SMARCE1: variants seen among roughly 807,000 people sequenced by gnomAD.
The protein encoded by SMARCE1 is SWI/SNF-related matrix-associated actin-dependent regulator of chromatin subfamily E member 1.
SMARCE1 carries 13 observed loss-of-function variants against 54.9 expected under a neutral mutation model. The observed-to-expected ratio is 0.24, with a 90% CI of 0.15 to 0.38. The LOEUF is 0.38. SMARCE1 is among the 10% of genes least tolerant of loss of function. The pLI, the probability that SMARCE1 is intolerant of heterozygous loss-of-function variation, is 1.00. For synonymous variants in SMARCE1, 151 were observed against 175.3 expected (o/e 0.86, Z 1.10); for missense variants, 295 against 523.8 (o/e 0.56, Z 4.26).
intron 7 of SMARCE1, chr17:40,632,622 A>C (rs1403913723): frequency 5.0e-6 from 2 of 401,170 alleles, no homozygotes; most frequent in African/African-American, 2.1e-5. Flanking sequence ...ATTTGGCTAA[A>C]ACATAAACGA....
intron 1 of SMARCE1, among the ~76,000 whole-genome samples, chr17:40,647,036 C>T (rs2037264797): frequency 6.6e-6 from 1 of 152,164 alleles, no homozygotes; most frequent in African/African-American, 2.4e-5. Flanking sequence ...AACATAAGCT[C>T]CCTGTACGTT....
In SMARCE1 at chr17:40,630,785, A is replaced by G. The variant is rs758831830; in HGVS notation, c.956T>C (p.Val319Ala). 1.2e-6 allele frequency: 2 copies of G among 1,613,916 alleles called. No homozygotes were observed. Among genetic ancestry groups the G allele is most frequent in the East Asian group, 2.2e-5 (1 of 44,888 alleles). Residue 319 changes from valine (V) to alanine (A), a missense_variant, in exon 10 of 11, where the codon GTT (valine) becomes GCT (alanine). By Grantham distance (64) the Val-to-Ala change is moderately conservative. Transcript: ENST00000348513. ...GTTAGCTGCTTGTTCTTCCTCAGGA[A>G]CGATGCTGCTCTGACTGCGCTCAGC... ...EQAERSQSSI[V>A]PEEEQAANKG...
At chr17:40,635,822 A>G in intron 7 of SMARCE1, 109 bp downstream of exon 7, 1 of 801,738 alleles carries the variant, frequency 1.2e-6, no homozygotes, top group Non-Finnish European at 1.9e-6. Flanking sequence ...TACTTAAATT[A>G]TACTTTCTTT....
At chr17:40,643,210 G>A (rs901941755) in intron 3 of SMARCE1, 1 of 152,282 alleles carries the variant, frequency 6.6e-6, no homozygotes, top group East Asian at 1.9e-4. Flanking sequence ...GAAATGCATG[G>A]ATTTCATTCT....
Position 40,630,739 on chromosome 17 carries a change from G to A in SMARCE1, c.1002C>T (p.Asp334=), listed in dbSNP as rs750483952. 24 of 1,613,918 alleles carry A rather than the reference G, an allele frequency of 1.5e-5. No individual in the cohort carries two copies. In the South Asian group the frequency reaches 2.3e-4, roughly 16 times the overall value. ...CTGTCTCCATCGGAATGTTCTCGTCGTCTTTCTTCTCCTCGCCTTTGTTAG... is the reference window on the plus strand; with the variant it reads ...CTGTCTCCATCGGAATGTTCTCGTCATCTTTCTTCTCCTCGCCTTTGTTAG... ...QAANKGEEKK[D]DENIPMETEE... The change falls in exon 10 of 11, where the codon GAC becomes GAT. Residue 334 remains aspartate (D), a synonymous_variant. Transcript: ENST00000348513.
rs759579237 is a variant in SMARCE1 at position 40,637,578 on chromosome 17, A to G, written c.157-6T>C. The G allele has an allele frequency of 1.2e-5, 20 of 1,610,474 alleles. No individual in the cohort carries two copies. The highest frequency in any genetic ancestry group is 1.0e-4 in the Admixed American group (6 of 59,956). ...ATCGTGATACCAGAGGATGCCTACG[A>G]AAGAGTTAAATACATTCATTATTCA... On this transcript the variant is annotated splice_polypyrimidine_tract_variant and splice_region_variant and intron_variant, in intron 4 of 10. Transcript: ENST00000348513.
Position 40,632,234 on chromosome 17 carries a change from C to T in SMARCE1, c.675G>A (p.Gln225=), listed in dbSNP as rs774853486. ...AGGACTGGACCTGCCGTTTGAGGAC[C>T]TGCATTCTAGCTGTTGTGACAACTG... is the stretch of plus-strand genomic sequence containing the variant. The part of the protein sequence containing the change: ...VRSVVTTARM[Q]VLKRQVQSLM... The change falls in exon 8 of 11, where the codon CAG becomes CAA. Residue 225 remains glutamine, a synonymous_variant. Coordinates refer to ENST00000348513, the MANE Select transcript of SMARCE1 (RefSeq NM_003079.5). 6.8e-6 allele frequency: 11 copies of T among 1,613,616 alleles called. No homozygotes were observed. The South Asian group carries it at 1.2e-4, about 18-fold the overall frequency.
chr17:40,643,821 G>A (rs542408723), intron 3 of SMARCE1: 2 of 152,260 alleles, frequency 1.3e-5, no homozygotes, highest in East Asian at 1.9e-4. Flanking sequence ...AAAAGAGAAC[G>A]GCTGATCAAT....
At chr17:40,643,695 C>T (rs1038069713) in intron 3 of SMARCE1, 1 of 152,148 alleles carries the variant, frequency 6.6e-6, no homozygotes, top group South Asian at 2.1e-4. Flanking sequence ...CACATTCCAA[C>T]TAAGCTGTAG....
chr17:40,644,532 A>T (rs934119181), intron 3 of SMARCE1: 1 of 152,170 alleles, frequency 6.6e-6, no homozygotes, highest in African/African-American at 2.4e-5. Flanking sequence ...CAAGCATAGG[A>T]CTTTATAGTC....
rs62622817 is a variant in SMARCE1, at chr17:40,628,790, C to T, written c.1231G>A (p.Glu411Lys). The stretch of plus-strand genomic sequence containing the variant: ...CACACAAAACAAGGCAACACTTATT[C>T]TTTTTTCTCATCTTCTGGTATGGGA... The part of the protein sequence containing the change: ...TDPIPEDEKK[E>K] The change falls in exon 11 of 11, where the codon GAA (glutamate) becomes AAA (lysine). Residue 411 changes from glutamate to lysine, a missense_variant. Transcript: ENST00000348513. 1.2e-5 allele frequency: 19 copies of T among 1,611,906 alleles called. No individual in the cohort carries two copies. The highest frequency in any genetic ancestry group is 1.6e-5 in the Non-Finnish European group (19 of 1,178,372).
At chr17:40,630,384 A>C in intron 10 of SMARCE1, 1 of 676,126 alleles carries the variant, frequency 1.5e-6, no homozygotes, top group East Asian at 2.7e-5. Flanking sequence ...AAGCAGCCAC[A>C]GACAGTATGT....
chr17:40,640,431 A>C (rs1255485347), intron 4 of SMARCE1: 1 of 152,222 alleles, frequency 6.6e-6, no homozygotes, highest in African/African-American at 2.4e-5. Flanking sequence ...AGGGAAACCC[A>C]ATGTTCTCTA....
Position 40,630,724 on chromosome 17 carries a change from C to T in SMARCE1, c.1017G>A (p.Pro339=), listed in dbSNP as rs372446330. The T allele has an allele frequency of 4.0e-5, 65 of 1,613,824 alleles. No individual in the cohort carries two copies. The highest frequency in any genetic ancestry group is 1.6e-4 in the Middle Eastern group (1 of 6,082). Residue 339 remains proline, a synonymous_variant, in exon 10 of 11, where the codon CCG becomes CCA. Coordinates refer to ENST00000348513, the MANE Select transcript of SMARCE1 (RefSeq NM_003079.5). ...TTGCTAGTGGGTTACCTGTCTCCAT[C>T]GGAATGTTCTCGTCGTCTTTCTTCT... ...GEEKKDDENI[P]METEETHLEE... is the part of the protein sequence containing the mutation.
At position 40,636,540 on chromosome 17, in the gene SMARCE1, C is replaced by G. The variant is rs760681134; in HGVS notation, c.238-14G>C. 1 of 1,605,700 alleles carries G rather than the reference C, an allele frequency of 6.2e-7. No individual in the cohort carries two copies. The highest frequency in any genetic ancestry group is 8.5e-7 in the Non-Finnish European group (1 of 1,172,912). ...TTGGTCCCAGACCTTAAAAAGAAAA[C>G]AGATGAAATGTTAATACTGATGTCT... On this transcript the variant is annotated splice_polypyrimidine_tract_variant and intron_variant, in intron 5 of 10. Coordinates refer to ENST00000348513, the MANE Select transcript of SMARCE1 (RefSeq NM_003079.5).
Position 40,632,210 on chromosome 17 carries a change from G to C in SMARCE1, c.699C>G (p.Ser233=). 6.2e-7 allele frequency: 1 copy of C among 1,612,914 alleles called. No homozygotes were observed. The highest frequency in any genetic ancestry group is 1.7e-5 in the Admixed American group (1 of 60,002). ...RMQVLKRQVQ[S]LMVHQRKLEA... ...ATGACTTTACCTGATGAACCATTAA[G>C]GACTGGACCTGCCGTTTGAGGACCT... is the stretch of plus-strand genomic sequence containing the variant. Residue 233 remains serine (S), a synonymous_variant, in exon 8 of 11, where the codon TCC becomes TCG. Coordinates refer to ENST00000348513, the MANE Select transcript of SMARCE1 (RefSeq NM_003079.5).
rs1597746062 is a variant in SMARCE1 at position 40,635,986 on chromosome 17, A to C, written c.486T>G (p.Ser162=). 6.2e-7 allele frequency: 1 copy of C among 1,613,530 alleles called. No individual in the cohort carries two copies. Among genetic ancestry groups the C allele is most frequent in the Non-Finnish European group, 8.5e-7 (1 of 1,179,754 alleles). The change falls in exon 7 of 11, where the codon TCT becomes TCG. Residue 162 remains serine (S), a synonymous_variant. Transcript: ENST00000348513. ...TGTACGGTTCTCCTTTCTCCATGCG[A>C]GATTGTCTCTGTCGACTTTCTTCCT... ...ALEEESRQRQ[S]RMEKGEPYMS... is the part of the protein sequence containing the mutation.
intron 5 of SMARCE1, chr17:40,637,191 G>A: frequency 5.4e-6 from 2 of 368,502 alleles, no homozygotes; most frequent in Non-Finnish European, 1.0e-5. Flanking sequence ...ATGTAGTCTT[G>A]CAGTCCTCCT....
chr17:40,647,081 TC>T (rs2037265508), intron 1 of SMARCE1, among the ~76,000 whole-genome samples: 2 of 152,374 alleles, frequency 1.3e-5, no homozygotes, highest in East Asian at 1.9e-4. Context: ...ATTATTGCTC[TC>T]TTTTGCTAGA....
Sources: gnomAD v4.1 joint callset for allele counts (sites outside exome capture counted in the v4.1 genomes callset) on GRCh38, gnomAD v4.1.1 for gene constraint, MANE v1.5 for transcripts, NCBI Gene and HGNC (gene_info 2026-07-23, HGNC 2026-07-21) for gene names.